Variants in NALCN observed in about 807,000 individuals in gnomAD.
NALCN encodes the protein sodium leak channel NALCN.
NALCN carries 111 observed loss-of-function variants against 225.3 expected under a neutral mutation model. The observed-to-expected ratio is 0.49, with a 90% CI of 0.42 to 0.58. The LOEUF (loss-of-function observed/expected upper bound fraction) is 0.58, where lower values mean the gene tolerates loss of function less well. NALCN is among the 20% of genes least tolerant of loss of function. The pLI is 0.00. For synonymous variants in NALCN, 764 were observed against 769.0 expected (o/e 0.99, Z 0.11); for missense variants, 1,378 against 2,202.4 (o/e 0.63, Z 7.49).
At chr13:101,121,033 G>A (rs1415354887) in intron 18 of NALCN, among the ~76,000 whole-genome samples, 1 of 152,088 alleles carries the variant, frequency 6.6e-6, no homozygotes, top group Non-Finnish European at 1.5e-5. Context: ...TTCCCTTACT[G>A]GAATAAGTAT....
In NALCN at chr13:101,375,320, T is replaced by C. The variant is rs578031422; in HGVS notation, c.644+1380A>G. Among the ~76,000 whole-genome samples the C allele has an allele frequency of 2.0e-5, 3 of 152,338 alleles. No homozygotes were observed. In the East Asian group the frequency reaches 5.8e-4, roughly 29 times the overall value. On this transcript the variant is annotated intron_variant, in intron 6 of 43. Coordinates refer to ENST00000251127, the MANE Select transcript of NALCN (RefSeq NM_052867.4). ...TGCCTCTAGAAAGTATGTCCTGTTA[T>C]TAATCTACTTCATTGAGGAGTAACC... is the stretch of plus-strand genomic sequence containing the variant.
intron 15 of NALCN, among the ~76,000 whole-genome samples, chr13:101,155,312 G>A (rs1320588149): frequency 6.6e-6 from 1 of 152,144 alleles, no homozygotes; most frequent in Non-Finnish European, 1.5e-5. Context: ...TCTGATCCAG[G>A]AGCTCATCCT....
intron 6 of NALCN, among the ~76,000 whole-genome samples, chr13:101,371,563 G>T (rs2046540609): frequency 6.6e-6 from 1 of 152,180 alleles, no homozygotes; most frequent in Non-Finnish European, 1.5e-5. Context: ...CTGTAAAGTT[G>T]TGATATTTGT....
intron 13 of NALCN, among the ~76,000 whole-genome samples, chr13:101,223,696 G>C (rs1007716049): frequency 9.2e-5 from 14 of 152,034 alleles, no homozygotes; most frequent in African/African-American, 3.4e-4. Context: ...ATAAAGACTC[G>C]GTTACACTTT....
intron 15 of NALCN, among the ~76,000 whole-genome samples, chr13:101,165,398 A>G (rs1386594397): frequency 2.0e-5 from 3 of 152,170 alleles, no homozygotes; most frequent in Admixed American, 2.0e-4. Context: ...TGTTAATATG[A>G]TCAGTTTTAA....
chr13:101,227,200 C>T (rs1348001026), intron 13 of NALCN, among the ~76,000 whole-genome samples: 1 of 152,142 alleles, frequency 6.6e-6, no homozygotes, highest in Non-Finnish European at 1.5e-5. Flanking sequence ...AATCTTTGTC[C>T]TCTTGCTGTG....
At chr13:101,369,753 CAT>C (rs1377024345) in intron 6 of NALCN, among the ~76,000 whole-genome samples, 1 of 152,100 alleles carries the variant, frequency 6.6e-6, no homozygotes, top group African/African-American at 2.4e-5. Flanking sequence ...CATATTCACT[CAT>C]AGAACAATCT....
intron 10 of NALCN, among the ~76,000 whole-genome samples, chr13:101,265,925 C>T (rs936708343): frequency 6.6e-6 from 1 of 152,176 alleles, no homozygotes; most frequent in African/African-American, 2.4e-5. Flanking sequence ...GGTATAAGTA[C>T]ATGAACCCTA....
Position 101,283,952 on chromosome 13 carries a change from C to T in NALCN, c.1115G>A (p.Arg372His), listed in dbSNP as rs75772824. 1,870 of 1,613,088 alleles carry T rather than the reference C, an allele frequency of 1.2e-3. No homozygotes were observed. Among genetic ancestry groups the T allele is most frequent in the Non-Finnish European group, 1.4e-3 (1,695 of 1,179,708 alleles). ...CTGCACCTGGAGGCAGGCTGGGGCG[C>T]GTCCCTGGGGCTTGTTGACATCCAC... is the stretch of plus-strand genomic sequence containing the variant. Reference protein sequence around the residue: ...VAVDVNKPQGRAPACLQKMMR... With the variant: ...VAVDVNKPQGHAPACLQKMMR... The change falls in exon 10 of 44, where the codon CGC becomes CAC. Residue 372 changes from arginine (R) to histidine (H), a missense_variant. Arg to His is a conservative substitution (Grantham distance 29). This residue lies in a region of NALCN where 144 missense variants were observed against 187.7 expected (regional missense o/e 0.77). Coordinates refer to ENST00000251127, the MANE Select transcript of NALCN (RefSeq NM_052867.4).
rs151138484 is a variant in NALCN, at chr13:101,071,114, C to T, written c.4198-2287G>A. Among the ~76,000 whole-genome samples, 13 of 152,286 alleles carry T rather than the reference C, an allele frequency of 8.5e-5. No individual in the cohort carries two copies. The East Asian group carries it at 1.2e-3, about 14-fold the overall frequency. ...AATTATCTCTGCCTGGTCCCTCCCA[C>T]GACACATGGAGATTAAGGGAACTAC... On this transcript the variant is annotated intron_variant, in intron 37 of 43. Transcript: ENST00000251127.
Position 101,068,008 on chromosome 13 carries a change from C to T in NALCN, c.4356G>A (p.Leu1452=), listed in dbSNP as rs765406174. ...GCTGGTCCTCCTCAGTGGAATAAAA[C>T]AAGGAGAAATTCTCCACAATTATGG... The part of the protein sequence containing the change: ...LVAIIVENFS[L]FYSTEEDQLL... Residue 1452 remains leucine (L), a synonymous_variant, in exon 39 of 44, where the codon TTG becomes TTA. Transcript: ENST00000251127. 2 of 1,609,062 alleles carry T rather than the reference C, an allele frequency of 1.2e-6. No individual in the cohort carries two copies. Among genetic ancestry groups the T allele is most frequent in the Non-Finnish European group, 8.5e-7 (1 of 1,178,616 alleles).
intron 18 of NALCN, among the ~76,000 whole-genome samples, chr13:101,119,693 G>A (rs570999334): frequency 3.3e-5 from 5 of 152,188 alleles, no homozygotes; most frequent in Non-Finnish European, 5.9e-5. Context: ...CGCCTGATGA[G>A]AGAAAAGGTC....
intron 15 of NALCN, among the ~76,000 whole-genome samples, chr13:101,151,767 A>C (rs2037662631): frequency 6.6e-6 from 1 of 152,218 alleles, no homozygotes; most frequent in Admixed American, 6.5e-5. Flanking sequence ...ATGTGATTTT[A>C]CAACCCAAAT....
intron 18 of NALCN, among the ~76,000 whole-genome samples, chr13:101,115,237 C>T (rs2035648738): frequency 6.6e-6 from 1 of 151,886 alleles, no homozygotes; most frequent in African/African-American, 2.4e-5. Flanking sequence ...GGCTGCATAC[C>T]TACACTAGAA....
At chr13:101,132,543 C>T (rs2036567916) in intron 17 of NALCN, among the ~76,000 whole-genome samples, 2 of 152,064 alleles carry the variant, frequency 1.3e-5, no homozygotes, top group Admixed American at 6.5e-5. Flanking sequence ...TTCTTGGCTC[C>T]TTGATCTGTG....
At chr13:101,210,737 G>T (rs1459602053) in intron 13 of NALCN, among the ~76,000 whole-genome samples, 1 of 152,134 alleles carries the variant, frequency 6.6e-6, no homozygotes. Context: ...GCTAAGACAT[G>T]GGCTTTCCAT....
chr13:101,168,565 T>C (rs1566373697), intron 15 of NALCN, among the ~76,000 whole-genome samples: 1 of 152,188 alleles, frequency 6.6e-6, no homozygotes, highest in East Asian at 1.9e-4. Flanking sequence ...TCCTCTTCTC[T>C]GTACTCCACC....
chr13:101,391,986 A>AAAAAAC lies in NALCN; in HGVS notation c.291+3191_291+3196dup, dbSNP rs563312148. Among the ~76,000 whole-genome samples, 33 of 151,478 alleles carry AAAAAAC rather than the reference A, an allele frequency of 2.2e-4. No homozygotes were observed. In the East Asian group the frequency reaches 5.4e-3, roughly 25 times the overall value. On this transcript the variant is annotated intron_variant, in intron 3 of 43. Transcript: ENST00000251127. ...GTGACAAGAGTGAGACTCCATCTCG[A>AAAAAAC]AAAAACAAAAACAAAAACAAAAAAA...
chr13:101,075,995 C>T (rs2033229403), intron 34 of NALCN, 54 bp from the exon 35 acceptor site: 2 of 1,496,248 alleles, frequency 1.3e-6, no homozygotes, highest in South Asian at 2.5e-5. Context: ...GATCTTGTTA[C>T]AGTTCCATTT....
Sources: allele counts gnomAD v4.1 joint callset (sites outside exome capture counted in the v4.1 genomes callset), GRCh38; gene constraint gnomAD v4.1.1; regional missense constraint gnomAD v4.1.1; transcripts MANE v1.5; gene names NCBI Gene and HGNC (gene_info 2026-07-23, HGNC 2026-07-21).